Variants in PTPRD observed in about 807,000 individuals in gnomAD.
PTPRD encodes protein tyrosine phosphatase receptor type D.
In PTPRD, 34 loss-of-function variants were observed where a neutral mutation model predicts 214.5. The ratio of observed to expected loss-of-function variants is 0.16; its 90% CI spans 0.12 to 0.21. The LOEUF (loss-of-function observed/expected upper bound fraction) is 0.21, where lower values mean the gene tolerates loss of function less well. Ranked by LOEUF, PTPRD falls within the 10% of genes least tolerant of loss-of-function variation. The probability of loss-of-function intolerance (pLI) is 1.00; values close to 1 mark genes in which losing one functional copy is unlikely to be tolerated. For missense variants in PTPRD, 2,545 were observed against 2,398.7 expected, an observed-to-expected ratio of 1.06 and a Z score of -1.27; for synonymous variants, 1,128 against 845.7, an observed-to-expected ratio of 1.33 and a Z score of -5.79.
intron 3 of PTPRD, among the ~76,000 whole-genome samples, chr9:10,223,833 T>C (rs1002399522): frequency 1.3e-5 from 2 of 151,358 alleles, no homozygotes; most frequent in East Asian, 1.9e-4. Context: ...CAAAACATGC[T>C]TTTGCAAATC....
rs1326251912 is a variant in PTPRD at position 8,497,252 on chromosome 9, G to C, written c.2339C>G (p.Thr780Ser). Residue 780 changes from threonine (T) to serine (S), a missense_variant, in exon 26 of 46, where the codon ACT becomes AGT. Thr to Ser is a moderately conservative substitution (Grantham distance 58). Transcript: ENST00000381196. ...LADAQWEFDD[T>S]TEHDMIISGL... is the part of the protein sequence containing the mutation. ...TCAAAAATTACTCACATGTTCAGTA[G>C]TATCATCAAATTCCCACTGATTGAG... The C allele has an allele frequency of 6.3e-7, 1 of 1,594,630 alleles. No homozygotes were observed.
At chr9:9,195,792 G>C (rs533918249) in intron 9 of PTPRD, among the ~76,000 whole-genome samples, 1 of 151,704 alleles carries the variant, frequency 6.6e-6, no homozygotes, top group South Asian at 2.1e-4. Flanking sequence ...AGTGCTTAAG[G>C]ATTGAAACAG....
At chr9:9,684,080 C>G (rs1264952058) in intron 7 of PTPRD, among the ~76,000 whole-genome samples, 1 of 151,442 alleles carries the variant, frequency 6.6e-6, no homozygotes, top group East Asian at 1.9e-4. Flanking sequence ...AGGCCAGATA[C>G]TCGAATCATT....
intron 43 of PTPRD, among the ~76,000 whole-genome samples, chr9:8,338,603 C>G (rs915959330): frequency 7.2e-5 from 11 of 152,046 alleles, no homozygotes; most frequent in African/African-American, 2.7e-4. Context: ...AGAGCATGAG[C>G]TGAGAAGGTG....
chr9:9,041,447 T>G (rs1382223628), intron 10 of PTPRD, among the ~76,000 whole-genome samples: 1 of 152,124 alleles, frequency 6.6e-6, no homozygotes, highest in African/African-American at 2.4e-5. Context: ...CTCCTACTTA[T>G]AAGTAGGAAC....
intron 4 of PTPRD, among the ~76,000 whole-genome samples, chr9:9,961,481 G>A (rs1280034250): frequency 6.6e-6 from 1 of 152,258 alleles, no homozygotes; most frequent in Non-Finnish European, 1.5e-5. Flanking sequence ...CCACAAGGTT[G>A]AAAGTTCCCA....
intron 3 of PTPRD, among the ~76,000 whole-genome samples, chr9:10,216,645 G>T (rs1014502594): frequency 3.9e-5 from 6 of 151,946 alleles, no homozygotes; most frequent in African/African-American, 1.2e-4. Context: ...TGTTATAGAT[G>T]CTTATAAAAC....
At chr9:8,345,815 TG>T (rs1175918080) in intron 39 of PTPRD, among the ~76,000 whole-genome samples, 1 of 152,194 alleles carries the variant, frequency 6.6e-6, no homozygotes, top group East Asian at 1.9e-4. Context: ...TGTTTCGTTT[TG>T]TTTTTTTTAT....
intron 10 of PTPRD, among the ~76,000 whole-genome samples, chr9:9,175,912 G>A (rs1398653641): frequency 1.3e-5 from 2 of 151,956 alleles, no homozygotes; most frequent in South Asian, 4.2e-4. Context: ...CAAATCTGTA[G>A]GCCTGAAAAA....
intron 12 of PTPRD, among the ~76,000 whole-genome samples, chr9:8,638,159 T>A (rs2154330513): frequency 6.6e-6 from 1 of 151,648 alleles, no homozygotes; most frequent in Admixed American, 6.6e-5. Flanking sequence ...TCTTCTCTCC[T>A]ACTGTGTTCT....
chr9:10,447,753 A>C (rs2098809675), intron 2 of PTPRD, among the ~76,000 whole-genome samples: 1 of 151,996 alleles, frequency 6.6e-6, no homozygotes, highest in Admixed American at 6.5e-5. Flanking sequence ...CTCATTCTTC[A>C]AGTAAGAAGG....
chr9:8,716,202 C>G (rs180793380), intron 12 of PTPRD, among the ~76,000 whole-genome samples: 2 of 152,220 alleles, frequency 1.3e-5, no homozygotes, highest in African/African-American at 4.8e-5. Flanking sequence ...CCTCTCTCCC[C>G]ACCCTTGGGC....
rs186875880 is a variant in PTPRD at position 10,450,478 on chromosome 9, G to A, written c.-599-109461C>T. 2.8e-4 allele frequency among the ~76,000 whole-genome samples: 43 copies of A among 151,966 alleles called. 1 individual carries two copies. The highest frequency in any genetic ancestry group is 9.9e-4 in the African/African-American group (41 of 41,334). On this transcript the variant is annotated intron_variant, in intron 2 of 45. Coordinates refer to ENST00000381196, the MANE Select transcript of PTPRD (RefSeq NM_002839.4). ...AGAGATTTTCAAGAATGTGCACCAC[G>A]ATTATTTATTGCTTTATTCAAAGCC...
At chr9:10,584,269 G>A (rs1452910643) in intron 2 of PTPRD, among the ~76,000 whole-genome samples, 1 of 152,038 alleles carries the variant, frequency 6.6e-6, no homozygotes, top group Non-Finnish European at 1.5e-5. Flanking sequence ...CCTAGGAACT[G>A]TATTTGGCTC....
chr9:8,767,088 G>T (rs1354285564), intron 11 of PTPRD, among the ~76,000 whole-genome samples: 2 of 152,108 alleles, frequency 1.3e-5, no homozygotes, highest in African/African-American at 4.8e-5. Flanking sequence ...AACCGCATAT[G>T]TAAGAGATTT....
chr9:10,485,086 T>C (rs983903755), intron 2 of PTPRD, among the ~76,000 whole-genome samples: 1 of 152,094 alleles, frequency 6.6e-6, no homozygotes, highest in Non-Finnish European at 1.5e-5. Flanking sequence ...TGCATATAGA[T>C]ATCCAGTTTT....
At chr9:9,259,600 C>G (rs988000083) in intron 9 of PTPRD, among the ~76,000 whole-genome samples, 1 of 151,928 alleles carries the variant, frequency 6.6e-6, no homozygotes, top group African/African-American at 2.4e-5. Context: ...TGTCATTGAA[C>G]ACTACCAGAA....
rs562674593 is a variant in PTPRD at position 9,926,104 on chromosome 9, A to G, written c.-368+12403T>C. ...TTCATCCTCCTAAAGTGCTGGGATT[A>G]CAGGCATCAGCCACTGCACCTGGCC... is the stretch of plus-strand genomic sequence containing the variant. On this transcript the variant is annotated intron_variant, in intron 5 of 45. Coordinates refer to ENST00000381196, the MANE Select transcript of PTPRD (RefSeq NM_002839.4). Among the ~76,000 whole-genome samples, 28 of 152,222 alleles carry G rather than the reference A, an allele frequency of 1.8e-4. No individual in the cohort carries two copies. The East Asian group carries it at 5.2e-3, about 28-fold the overall frequency.
chr9:9,786,209 C>T (rs1372634593), intron 5 of PTPRD, among the ~76,000 whole-genome samples: 1 of 151,904 alleles, frequency 6.6e-6, no homozygotes, highest in Admixed American at 6.6e-5. Context: ...ACTGAAGCAG[C>T]TGTAAGATGA....
Sources: allele counts gnomAD v4.1 joint callset (sites outside exome capture counted in the v4.1 genomes callset), GRCh38; gene constraint gnomAD v4.1.1; transcripts MANE v1.5; gene names NCBI Gene and HGNC (gene_info 2026-07-23, HGNC 2026-07-21).